The following FAT4 variants were observed in gnomAD, a reference collection of about 807,000 sequenced individuals.
The protein encoded by FAT4 is FAT atypical cadherin 4.
Under a neutral mutation model 303.9 loss-of-function variants are expected in FAT4, and 84 were observed. The ratio of observed to expected loss-of-function variants is 0.28; its 90% CI spans 0.23 to 0.33. FAT4 has a LOEUF of 0.33. Ranked by LOEUF, FAT4 falls within the 10% of genes least tolerant of loss-of-function variation. The pLI, the probability that FAT4 is intolerant of heterozygous loss-of-function variation, is 1.00. For missense variants in FAT4, 6,005 were observed against 6,146.8 expected, an observed-to-expected ratio of 0.98 and a Z score of 0.77; for synonymous variants, 2,307 against 2,298.8, an observed-to-expected ratio of 1.00 and a Z score of -0.10.
intron 2 of FAT4, among the ~76,000 whole-genome samples, chr4:125,346,076 T>C (rs1429564046): frequency 2.0e-5 from 3 of 152,128 alleles, no homozygotes; most frequent in Non-Finnish European, 2.9e-5. Flanking sequence ...CTTTTAACTC[T>C]GATTAGTGAC....
intron 16 of FAT4, among the ~76,000 whole-genome samples, chr4:125,485,481 A>G (rs528614801): frequency 8.7e-4 from 133 of 152,120 alleles, no homozygotes; most frequent in Non-Finnish European, 1.6e-3. Flanking sequence ...CATTAGCCTC[A>G]GCCTACACAG....
chr4:125,325,487 T>G (rs1012741352), intron 2 of FAT4, among the ~76,000 whole-genome samples: 3 of 152,148 alleles, frequency 2.0e-5, no homozygotes, highest in Non-Finnish European at 2.9e-5. Flanking sequence ...AGATTATGCA[T>G]ACTCAAATAT....
At position 125,434,388 on chromosome 4, in the gene FAT4, G is replaced by A; in HGVS notation, c.7162G>A (p.Ala2388Thr). 1 of 1,613,994 alleles carries A rather than the reference G, an allele frequency of 6.2e-7. No homozygotes were observed. The highest frequency in any genetic ancestry group is 1.1e-5 in the South Asian group (1 of 91,078). ...PTGTDVLLVN[A>T]SDADASKNAV... is the part of the protein sequence containing the mutation. ...TGGAACAGATGTTTTATTGGTAAAT[G>A]CCTCAGATGCTGATGCTTCAAAGAA... The change falls in exon 8 of 18, where the codon GCC becomes ACC. Residue 2388 changes from alanine to threonine, a missense_variant. By Grantham distance (58) the Ala-to-Thr change is moderately conservative. Transcript: ENST00000394329.
At chr4:125,406,761 A>G in intron 3 of FAT4, 119 bp from the exon 4 acceptor site, 1 of 1,087,348 alleles carries the variant, frequency 9.2e-7, no homozygotes. Context: ...TAAGTCTTAT[A>G]ATATCATATG....
At chr4:125,371,812 T>C (rs1360310697) in intron 2 of FAT4, among the ~76,000 whole-genome samples, 3 of 152,068 alleles carry the variant, frequency 2.0e-5, no homozygotes, top group Admixed American at 2.0e-4. Context: ...TGGAGAATGA[T>C]AGCAGTATAT....
chr4:125,351,440 T>C (rs138901343), intron 2 of FAT4, among the ~76,000 whole-genome samples: 157 of 151,886 alleles, frequency 1.0e-3, no homozygotes, highest in African/African-American at 3.5e-3. Flanking sequence ...CCATGAACCA[T>C]GTGATGCATG....
At position 125,481,576 on chromosome 4, in the gene FAT4, CAT is replaced by C; in HGVS notation, c.12661_12662del (p.Met4221GlufsTer4). On this transcript the variant is annotated frameshift_variant, in exon 16 of 18. Transcript: ENST00000394329. LOFTEE classifies it high-confidence loss of function. ...AAGGCAAAGGGCGCTTGGACTACCA[CAT>C]GAGTCAGAATGAGAAGCGGGAATAT... is the stretch of plus-strand genomic sequence containing the variant. ...LEGKGRLDYH[M>X]SQNEKREYLL... 1 of 1,614,064 alleles carries C rather than the reference CAT, an allele frequency of 6.2e-7. No homozygotes were observed. Among genetic ancestry groups the C allele is most frequent in the Non-Finnish European group, 8.5e-7 (1 of 1,179,946 alleles).
chr4:125,380,819 T>C (rs1206361117), intron 2 of FAT4, among the ~76,000 whole-genome samples: 15 of 152,210 alleles, frequency 9.9e-5, no homozygotes, highest in Non-Finnish European at 1.2e-4. Context: ...TACTCTTTGC[T>C]GACACATTTT....
intron 8 of FAT4, among the ~76,000 whole-genome samples, chr4:125,435,048 C>T (rs1389823799): frequency 1.3e-5 from 2 of 152,186 alleles, no homozygotes; most frequent in Admixed American, 6.5e-5. Flanking sequence ...ATGCATCACT[C>T]GTTGATTGGA....
At chr4:125,445,892 A>G (rs1725807354) in intron 8 of FAT4, among the ~76,000 whole-genome samples, 1 of 152,190 alleles carries the variant, frequency 6.6e-6, no homozygotes, top group East Asian at 1.9e-4. Flanking sequence ...ATTATGGTAT[A>G]CAGCAGAAAA....
At chr4:125,461,756 A>C (rs1726491767) in intron 10 of FAT4, among the ~76,000 whole-genome samples, 2 of 151,920 alleles carry the variant, frequency 1.3e-5, no homozygotes, top group Non-Finnish European at 1.5e-5. Flanking sequence ...ACAACTAATC[A>C]AAAATATGGC....
At chr4:125,447,239 T>C (rs1365202732) in intron 9 of FAT4, among the ~76,000 whole-genome samples, 1 of 152,128 alleles carries the variant, frequency 6.6e-6, no homozygotes, top group African/African-American at 2.4e-5. Flanking sequence ...AAAATGAGTT[T>C]TCAAAGAGGA....
intron 10 of FAT4, among the ~76,000 whole-genome samples, chr4:125,454,209 A>G (rs1052849528): frequency 3.9e-5 from 6 of 152,246 alleles, no homozygotes; most frequent in African/African-American, 1.4e-4. Flanking sequence ...TTTCTATGTT[A>G]TATTTTCAAA....
intron 2 of FAT4, among the ~76,000 whole-genome samples, chr4:125,349,783 G>C (rs1732151131): frequency 1.3e-5 from 2 of 151,394 alleles, no homozygotes; most frequent in African/African-American, 4.8e-5. Flanking sequence ...ATGCACAAAG[G>C]CTCATTTCAG....
At chr4:125,334,574 C>CA (rs1169866914) in intron 2 of FAT4, among the ~76,000 whole-genome samples, 1 of 152,212 alleles carries the variant, frequency 6.6e-6, no homozygotes, top group Non-Finnish European at 1.5e-5. Context: ...ATGTTAATTT[C>CA]AAATTTTTTA....
intron 9 of FAT4, 90 bp downstream of exon 9, chr4:125,446,633 A>C (rs1048202840): frequency 1.3e-5 from 17 of 1,274,340 alleles, no homozygotes; most frequent in Admixed American, 5.1e-5. Flanking sequence ...TTACATACAT[A>C]TTTCTGATAT....
At chr4:125,378,455 A>T (rs1733417785) in intron 2 of FAT4, among the ~76,000 whole-genome samples, 1 of 152,132 alleles carries the variant, frequency 6.6e-6, no homozygotes, top group Non-Finnish European at 1.5e-5. Flanking sequence ...TTGTTTATAT[A>T]AAAATCAGAT....
chr4:125,381,424 TAC>T (rs1733535282), intron 2 of FAT4, among the ~76,000 whole-genome samples: 1 of 151,288 alleles, frequency 6.6e-6, no homozygotes, highest in South Asian at 2.1e-4. Flanking sequence ...AAGCAAGTCA[TAC>T]AGTTTTTTTG....
At position 125,318,921 on chromosome 4, in the gene FAT4, G is replaced by A; in HGVS notation, c.2510G>A (p.Gly837Asp). 1 of 1,614,146 alleles carries A rather than the reference G, an allele frequency of 6.2e-7. No homozygotes were observed. The highest frequency in any genetic ancestry group is 8.5e-7 in the Non-Finnish European group (1 of 1,180,038). ...CTCATTACTACTGGGGATCAGAAAG[G>A]TATGTTTGCTATCAACCAGGTCACT... is the stretch of plus-strand genomic sequence containing the variant. ...SYLITTGDQK[G>D]MFAINQVTGQ... Residue 837 changes from glycine to aspartate, a missense_variant, in exon 2 of 18, where the codon GGT becomes GAT. Coordinates refer to ENST00000394329, the MANE Select transcript of FAT4 (RefSeq NM_001291303.3).
Sources: allele counts gnomAD v4.1 joint callset (sites outside exome capture counted in the v4.1 genomes callset), GRCh38; gene constraint gnomAD v4.1.1; transcripts MANE v1.5; gene names NCBI Gene and HGNC (gene_info 2026-07-23, HGNC 2026-07-21).